Variants in WARS2 observed in about 807,000 individuals in gnomAD.
WARS2 encodes tryptophan--tRNA ligase, mitochondrial.
Under a neutral mutation model 36.5 loss-of-function variants are expected in WARS2, and 28 were observed. The ratio of observed to expected loss-of-function variants is 0.77; its 90% CI spans 0.57 to 1.05. WARS2 has a LOEUF of 1.05. Ranked by LOEUF, WARS2 falls within the 50% of genes least tolerant of loss-of-function variation. WARS2 has a pLI of 0.00. For synonymous variants in WARS2, 174 were observed against 178.4 expected, an observed-to-expected ratio of 0.98 and a Z score of 0.20; for missense variants, 435 against 456.8, an observed-to-expected ratio of 0.95 and a Z score of 0.44.
intron 1 of WARS2, among the ~76,000 whole-genome samples, chr1:119,083,576 G>A (rs963724014): frequency 4.6e-5 from 7 of 151,928 alleles, no homozygotes; most frequent in African/African-American, 1.5e-4. Context: ...ATCTCTTTGG[G>A]CTATTTTCTT....
chr1:119,112,044 T>C (rs1380056658), intron 1 of WARS2, among the ~76,000 whole-genome samples: 2 of 152,106 alleles, frequency 1.3e-5, no homozygotes, highest in African/African-American at 2.4e-5. Flanking sequence ...TACCTCAGCC[T>C]CCTGAGAATC....
At position 119,076,374 on chromosome 1, in the gene WARS2, T is replaced by C; in HGVS notation, c.324A>G (p.Lys108=). ...VLLACGINPE[K]SILFQQSQVS... ...CCTGAGATTGTTGGAAAAGGATGCT[T>C]TTTTCCGGGTTTATGCCACAGGCAA... is the stretch of plus-strand genomic sequence containing the variant. Residue 108 remains lysine, a synonymous_variant, in exon 2 of 6, where the codon AAA becomes AAG. Coordinates refer to ENST00000235521, the MANE Select transcript of WARS2 (RefSeq NM_015836.4). 4 of 1,614,174 alleles carry C rather than the reference T, an allele frequency of 2.5e-6. No homozygotes were observed. Among genetic ancestry groups the C allele is most frequent in the Non-Finnish European group, 3.4e-6 (4 of 1,180,034 alleles).
chr1:119,135,287 G>A (rs896884593), intron 1 of WARS2, among the ~76,000 whole-genome samples: 2 of 152,162 alleles, frequency 1.3e-5, no homozygotes, highest in Admixed American at 6.5e-5. Context: ...ACTGTCTCAG[G>A]AGCCCCTGGG....
At chr1:119,049,246 G>A (rs1649135582) in intron 2 of WARS2, among the ~76,000 whole-genome samples, 1 of 152,122 alleles carries the variant, frequency 6.6e-6, no homozygotes, top group Non-Finnish European at 1.5e-5. Context: ...TGGGGCAGTC[G>A]GAGGACAACC....
At chr1:119,115,428 C>CCTGT (rs1654899811) in intron 1 of WARS2, among the ~76,000 whole-genome samples, 1 of 152,146 alleles carries the variant, frequency 6.6e-6, no homozygotes, top group South Asian at 2.1e-4. Context: ...GCAAACCCTG[C>CCTGT]CTGTGATCAT....
intron 1 of WARS2, among the ~76,000 whole-genome samples, chr1:119,080,613 G>A (rs1571329428): frequency 6.6e-6 from 1 of 152,172 alleles, no homozygotes; most frequent in African/African-American, 2.4e-5. Context: ...AAAATATACA[G>A]AGAGCATCCT....
At chr1:119,090,127 T>C (rs1436431531) in intron 1 of WARS2, among the ~76,000 whole-genome samples, 1 of 148,212 alleles carries the variant, frequency 6.7e-6, no homozygotes, top group Non-Finnish European at 1.5e-5. Flanking sequence ...AACTTTAAAG[T>C]TGAAAAAAAA....
intron 1 of WARS2, among the ~76,000 whole-genome samples, chr1:119,086,571 C>T (rs1293523177): frequency 1.4e-4 from 21 of 152,086 alleles, no homozygotes; most frequent in Admixed American, 1.4e-3. Flanking sequence ...GCTCTTTTGA[C>T]CTCACCCCAG....
At chr1:119,126,751 T>C in intron 1 of WARS2, 1 of 736,946 alleles carries the variant, frequency 1.4e-6, no homozygotes, top group Non-Finnish European at 2.5e-6. Context: ...TCTATGTCTT[T>C]TCCAATACTG....
At position 119,140,589 on chromosome 1, in the gene WARS2, A is replaced by C. The variant is rs928278667; in HGVS notation, c.56T>G (p.Leu19Arg). ...ARERWSFIRALHKGSAAAPAL... is the reference protein window; with the variant it reads ...ARERWSFIRARHKGSAAAPAL... ...GGGAGCAGCTGCGGATCCCTTATGA[A>C]GTGCCCGGATGAAGCTCCAGCGCTC... The change falls in exon 1 of 6, where the codon CTT becomes CGT. Residue 19 changes from leucine to arginine, a missense_variant. By Grantham distance (102) the Leu-to-Arg change is moderately radical (BLOSUM62 -2). Coordinates refer to ENST00000235521, the MANE Select transcript of WARS2 (RefSeq NM_015836.4). 1 of 1,613,846 alleles carries C rather than the reference A, an allele frequency of 6.2e-7. No individual in the cohort carries two copies. The highest frequency in any genetic ancestry group is 1.3e-5 in the African/African-American group (1 of 74,942).
chr1:119,119,815 G>C (rs1383703879), intron 1 of WARS2, among the ~76,000 whole-genome samples: 1 of 151,916 alleles, frequency 6.6e-6, no homozygotes, highest in Non-Finnish European at 1.5e-5. Context: ...ATGATCCTTA[G>C]GTCAACAATG....
intron 1 of WARS2, among the ~76,000 whole-genome samples, chr1:119,116,536 A>G (rs1654983033): frequency 6.6e-6 from 1 of 152,198 alleles, no homozygotes; most frequent in Admixed American, 6.5e-5. Context: ...TGCAAATGCC[A>G]CAAGATAGCC....
intron 1 of WARS2, chr1:119,084,882 G>A (rs1010787430): frequency 3.0e-5 from 9 of 298,804 alleles, no homozygotes; most frequent in Admixed American, 1.8e-4. Context: ...TACTCAAGGA[G>A]TTAAAAGAAT....
chr1:119,112,964 C>A lies in WARS2; in HGVS notation c.90+27591G>T, dbSNP rs192512905. Among the ~76,000 whole-genome samples, 46 of 151,988 alleles carry A rather than the reference C, an allele frequency of 3.0e-4. No individual in the cohort carries two copies. In the East Asian group the frequency reaches 7.5e-3, roughly 25 times the overall value. ...TAAGGCAGTGACTACCATGACTGAC[C>A]GTAAGGAATAGGGTGACACATCATG... On this transcript the variant is annotated intron_variant, in intron 1 of 5. Coordinates refer to ENST00000235521, the MANE Select transcript of WARS2 (RefSeq NM_015836.4).
At chr1:119,120,731 T>G (rs1655276532) in intron 1 of WARS2, among the ~76,000 whole-genome samples, 1 of 152,124 alleles carries the variant, frequency 6.6e-6, no homozygotes, top group Admixed American at 6.5e-5. Flanking sequence ...GCAGGGTTGG[T>G]TTAACATACA....
chr1:119,048,812 T>TCC (rs144042341), intron 2 of WARS2, among the ~76,000 whole-genome samples: 44,797 of 152,002 alleles, frequency 0.29, 7,223 homozygotes, highest in African/African-American at 0.43. Flanking sequence ...ACGCCTGTAA[T>TCC]CATCACTTTG....
intron 1 of WARS2, among the ~76,000 whole-genome samples, chr1:119,105,719 C>T (rs931917003): frequency 1.3e-5 from 2 of 152,228 alleles, no homozygotes; most frequent in African/African-American, 4.8e-5. Flanking sequence ...CGAGACCAGC[C>T]TGGCCAACAT....
intron 1 of WARS2, among the ~76,000 whole-genome samples, chr1:119,132,577 CA>C (rs1393907959): frequency 2.6e-5 from 4 of 152,194 alleles, no homozygotes; most frequent in Non-Finnish European, 4.4e-5. Flanking sequence ...TTTGAGTAAA[CA>C]GCTCCATTTC....
chr1:119,122,166 A>C (rs1655365353), intron 1 of WARS2, among the ~76,000 whole-genome samples: 1 of 152,212 alleles, frequency 6.6e-6, no homozygotes, highest in Non-Finnish European at 1.5e-5. Context: ...TAATATCCAG[A>C]ATCTACAAAG....
Sources: allele counts gnomAD v4.1 joint callset (sites outside exome capture counted in the v4.1 genomes callset), GRCh38; gene constraint gnomAD v4.1.1; transcripts MANE v1.5; gene names NCBI Gene and HGNC (gene_info 2026-07-23, HGNC 2026-07-21).